The following BMP5 variants were observed in gnomAD, a reference collection of about 807,000 sequenced individuals.
The protein encoded by BMP5 is bone morphogenetic protein 5.
Under a neutral mutation model 46.6 loss-of-function variants are expected in BMP5, and 23 were observed. The observed-to-expected ratio is 0.49, with a 90% CI of 0.35 to 0.70. BMP5 has a LOEUF of 0.70. BMP5 is among the 30% of genes least tolerant of loss of function. BMP5 has a pLI of 0.00. For missense variants in BMP5, 545 were observed against 565.6 expected, an observed-to-expected ratio of 0.96 and a Z score of 0.37; for synonymous variants, 204 against 191.9, an observed-to-expected ratio of 1.06 and a Z score of -0.52.
At chr6:55,841,193 A>G (rs1582110078) in intron 1 of BMP5, among the ~76,000 whole-genome samples, 1 of 152,306 alleles carries the variant, frequency 6.6e-6, no homozygotes, top group East Asian at 1.9e-4. Context: ...GTCTTCCTCA[A>G]AACCAATCCC....
chr6:55,846,042 A>G (rs1014656371), intron 1 of BMP5, among the ~76,000 whole-genome samples: 7 of 151,946 alleles, frequency 4.6e-5, no homozygotes, highest in African/African-American at 1.4e-4. Context: ...CTATTTTCTA[A>G]TGAGTCCCTC....
At chr6:55,848,440 T>C (rs1400982526) in intron 1 of BMP5, among the ~76,000 whole-genome samples, 1 of 151,994 alleles carries the variant, frequency 6.6e-6, no homozygotes, top group Non-Finnish European at 1.5e-5. Context: ...ATATTATTCA[T>C]ATATTCAATA....
chr6:55,780,470 A>AAAAAAAAAAAAAAG (rs1554181020), intron 3 of BMP5, among the ~76,000 whole-genome samples: 1 of 131,718 alleles, frequency 7.6e-6, no homozygotes, highest in Non-Finnish European at 1.6e-5. Context: ...AAAAAAAAAA[A>AAAAAAAAAAAAAAG]AAAGAAAGAA....
At chr6:55,803,972 G>A (rs964971265) in intron 2 of BMP5, among the ~76,000 whole-genome samples, 2 of 151,896 alleles carry the variant, frequency 1.3e-5, no homozygotes, top group African/African-American at 4.8e-5. Flanking sequence ...AGAAGCAACA[G>A]CCTTACAAGA....
chr6:55,811,462 G>A (rs1020968474), intron 2 of BMP5, among the ~76,000 whole-genome samples: 3 of 152,080 alleles, frequency 2.0e-5, no homozygotes, highest in East Asian at 1.9e-4. Flanking sequence ...TTAGCACAGC[G>A]CCAGACACAT....
At chr6:55,757,933 G>T (rs1774652981) in intron 6 of BMP5, among the ~76,000 whole-genome samples, 1 of 151,844 alleles carries the variant, frequency 6.6e-6, no homozygotes, top group African/African-American at 2.4e-5. Context: ...ATTTGCTTTT[G>T]CCAGTTCACA....
chr6:55,760,778 T>C (rs1308254235), intron 4 of BMP5, among the ~76,000 whole-genome samples: 1 of 152,016 alleles, frequency 6.6e-6, no homozygotes, highest in African/African-American at 2.4e-5. Context: ...ACATGGATTC[T>C]GTTAAGCCAT....
Position 55,759,161 on chromosome 6 carries a change from AAAAAAAAAAAAAAAAAAAAAAAC to A in BMP5, c.1105-69_1105-47del, listed in dbSNP as rs1300394202. 7.0e-5 allele frequency: 57 copies of A among 811,070 alleles called. No homozygotes were observed. In the African/African-American group the frequency reaches 9.6e-4, roughly 14 times the overall value. The allele number at this position is 811,070 out of a possible 1,614,324, so 50.2% of individuals were successfully genotyped here. ...CACACACACAAAAAAAAAAAAAAAA[AAAAAAAAAAAAAAAAAAAAAAAC>A]AACAAGAAAAAATATCACCAAAGTA... On this transcript the variant is annotated intron_variant, in intron 5 of 6. Coordinates refer to ENST00000370830, the MANE Select transcript of BMP5 (RefSeq NM_021073.4).
At chr6:55,864,733 A>T (rs1478567785) in intron 1 of BMP5, among the ~76,000 whole-genome samples, 1 of 152,186 alleles carries the variant, frequency 6.6e-6, no homozygotes, top group African/African-American at 2.4e-5. Context: ...AATATCAAAA[A>T]TCAATGTGAT....
intron 1 of BMP5, among the ~76,000 whole-genome samples, chr6:55,854,490 A>ATG (rs1249714764): frequency 2.0e-5 from 3 of 151,902 alleles, no homozygotes; most frequent in Non-Finnish European, 4.4e-5. Context: ...ATATATGTAT[A>ATG]TGTGTGTATA....
chr6:55,805,371 G>C (rs1226807428), intron 2 of BMP5, among the ~76,000 whole-genome samples: 1 of 152,058 alleles, frequency 6.6e-6, no homozygotes, highest in East Asian at 1.9e-4. Flanking sequence ...CACATGATTA[G>C]CTATTTGTTC....
At position 55,796,775 on chromosome 6, in the gene BMP5, T is replaced by A. The variant is rs192891564; in HGVS notation, c.684-2348A>T. Among the ~76,000 whole-genome samples, 21 of 151,940 alleles carry A rather than the reference T, an allele frequency of 1.4e-4. No homozygotes were observed. The East Asian group carries it at 4.1e-3, about 30-fold the overall frequency. ...GTTTGGTTCTTTGTTCTTGCGATAGTTTACTGAGAATGATGATGTATATAT... is the reference window on the plus strand; with the variant it reads ...GTTTGGTTCTTTGTTCTTGCGATAGATTACTGAGAATGATGATGTATATAT... On this transcript the variant is annotated intron_variant, in intron 2 of 6. Transcript: ENST00000370830.
At chr6:55,816,677 A>T (rs1297660729) in intron 2 of BMP5, among the ~76,000 whole-genome samples, 1 of 152,190 alleles carries the variant, frequency 6.6e-6, no homozygotes, top group East Asian at 1.9e-4. Flanking sequence ...CATATCAGTC[A>T]GTACGTATTA....
At chr6:55,803,028 T>C (rs1775887451) in intron 2 of BMP5, among the ~76,000 whole-genome samples, 1 of 151,934 alleles carries the variant, frequency 6.6e-6, no homozygotes, top group Admixed American at 6.6e-5. Context: ...GGCTCATGCC[T>C]GTAATCCCAG....
chr6:55,787,977 G>A (rs1400295813), intron 3 of BMP5, among the ~76,000 whole-genome samples: 2 of 151,396 alleles, frequency 1.3e-5, no homozygotes, highest in African/African-American at 2.4e-5. Flanking sequence ...CATGTATTAG[G>A]GACCATTGGA....
chr6:55,807,242 A>G (rs1458143675), intron 2 of BMP5, among the ~76,000 whole-genome samples: 1 of 152,108 alleles, frequency 6.6e-6, no homozygotes, highest in African/African-American at 2.4e-5. Flanking sequence ...AGATTTTTTC[A>G]TCAATACCTA....
chr6:55,759,594 C>G (rs1333390190), intron 5 of BMP5, among the ~76,000 whole-genome samples: 1 of 151,876 alleles, frequency 6.6e-6, no homozygotes, highest in Non-Finnish European at 1.5e-5. Context: ...TTTTATAAGT[C>G]TGACAACATC....
intron 4 of BMP5, among the ~76,000 whole-genome samples, chr6:55,767,249 G>A (rs574116042): frequency 6.6e-6 from 1 of 151,958 alleles, no homozygotes; most frequent in African/African-American, 2.4e-5. Context: ...CCACAGGTAT[G>A]AGTACTTATA....
chr6:55,851,703 G>C (rs1358080219), intron 1 of BMP5, among the ~76,000 whole-genome samples: 4 of 152,246 alleles, frequency 2.6e-5, no homozygotes, highest in African/African-American at 9.6e-5. Flanking sequence ...AACTTAAGAG[G>C]ATTAAGTATT....
Sources: allele counts gnomAD v4.1 joint callset (sites outside exome capture counted in the v4.1 genomes callset), GRCh38; gene constraint gnomAD v4.1.1; transcripts MANE v1.5; gene names NCBI Gene and HGNC (gene_info 2026-07-23, HGNC 2026-07-21).